Variants in OTOGL observed in about 807,000 individuals in gnomAD.
OTOGL encodes the protein otogelin-like protein.
In OTOGL, 285 loss-of-function variants were observed where a neutral mutation model predicts 318.5. The ratio of observed to expected loss-of-function variants is 0.89; its 90% CI spans 0.81 to 0.99. The LOEUF is 0.99. Among genes scored for constraint, OTOGL ranks in the 50% least tolerant of loss-of-function variants. The probability of loss-of-function intolerance (pLI) is 0.00; values close to 1 mark genes in which losing one functional copy is unlikely to be tolerated. For synonymous variants in OTOGL, 987 were observed against 936.5 expected (o/e 1.05, Z -0.99); for missense variants, 2,899 against 2,845.6 (o/e 1.02, Z -0.43).
intron 1 of OTOGL, among the ~76,000 whole-genome samples, chr12:80,170,187 G>A (rs1027476185): frequency 7.4e-6 from 1 of 134,376 alleles, no homozygotes; most frequent in African/African-American, 3.7e-5. Flanking sequence ...GGGTGTGTGT[G>A]TGTGTGTGTG....
At chr12:80,344,727 G>C (rs924043455) in intron 44 of OTOGL, among the ~76,000 whole-genome samples, 1 of 151,692 alleles carries the variant, frequency 6.6e-6, no homozygotes, top group African/African-American at 2.4e-5. Context: ...AGTAATCTTG[G>C]CTCAAGAGGT....
At chr12:80,293,185 T>C (rs1424941796) in intron 26 of OTOGL, among the ~76,000 whole-genome samples, 1 of 142,790 alleles carries the variant, frequency 7.0e-6, no homozygotes, top group Non-Finnish European at 1.5e-5. Context: ...ATTTAATCTG[T>C]CTCTCTCTTC....
intron 1 of OTOGL, among the ~76,000 whole-genome samples, chr12:80,108,936 G>T (rs796256373): frequency 7.8e-6 from 1 of 128,226 alleles, no homozygotes; most frequent in East Asian, 2.2e-4. Flanking sequence ...ATATGTGTGT[G>T]TATATATATA....
At chr12:80,203,698 T>G (rs1312743545) in intron 1 of OTOGL, among the ~76,000 whole-genome samples, 1 of 152,204 alleles carries the variant, frequency 6.6e-6, no homozygotes, top group Non-Finnish European at 1.5e-5. Context: ...CCTCTGTTTC[T>G]TTCCCCTCCA....
At chr12:80,205,144 G>A (rs931903694) in intron 1 of OTOGL, among the ~76,000 whole-genome samples, 1 of 152,148 alleles carries the variant, frequency 6.6e-6, no homozygotes, top group South Asian at 2.1e-4. Flanking sequence ...GGAATTCAAA[G>A]CATGAGAAAC....
intron 38 of OTOGL, among the ~76,000 whole-genome samples, chr12:80,333,935 A>T (rs992406638): frequency 3.3e-5 from 5 of 152,192 alleles, no homozygotes; most frequent in African/African-American, 9.6e-5. Flanking sequence ...ATAAAGGAAT[A>T]AAATAGTAGA....
Position 80,318,664 on chromosome 12 carries a change from A to T in OTOGL, c.3753A>T (p.Leu1251Phe). 6.9e-7 allele frequency: 1 copy of T among 1,440,432 alleles called. No homozygotes were observed. Among genetic ancestry groups the T allele is most frequent in the Non-Finnish European group, 9.1e-7 (1 of 1,093,060 alleles). The allele number at this position is 1,440,432 out of a possible 1,614,324, so 89.2% of individuals were successfully genotyped here. Residue 1251 changes from leucine to phenylalanine, a missense_variant, in exon 33 of 59, where the codon TTA (leucine) becomes TTT (phenylalanine). Leu to Phe is a conservative substitution (Grantham distance 22, BLOSUM62 0). Around this residue, in one of 3 missense-constraint regions of OTOGL, gnomAD observed 2,607 missense variants for 2,524.9 expected, o/e 1.03. Coordinates refer to ENST00000547103, the MANE Select transcript of OTOGL (RefSeq NM_001378609.3). ...CLPRSSVHTS[L>F]FFYFMITPGL... ...CGAGAAGCAGTGTTCATACCAGTTT[A>T]TTTTTTTATTTTATGATCACTCCAG...
At chr12:80,259,779 G>A (rs1032815969) in intron 18 of OTOGL, among the ~76,000 whole-genome samples, 16 of 152,006 alleles carry the variant, frequency 1.1e-4, no homozygotes, top group South Asian at 4.1e-4. Flanking sequence ...GGGCATTTGC[G>A]TTGGTTCCAA....
chr12:80,264,440 T>C (rs909392989), intron 19 of OTOGL, among the ~76,000 whole-genome samples: 2 of 152,212 alleles, frequency 1.3e-5, no homozygotes, highest in Non-Finnish European at 2.9e-5. Context: ...ATAGATTTAT[T>C]TATCAAACAT....
intron 1 of OTOGL, among the ~76,000 whole-genome samples, chr12:80,157,198 G>A (rs1028869952): frequency 1.3e-5 from 2 of 152,008 alleles, no homozygotes; most frequent in Non-Finnish European, 2.9e-5. Flanking sequence ...CAATGATATT[G>A]AACACCTTTT....
intron 1 of OTOGL, among the ~76,000 whole-genome samples, chr12:80,203,351 G>A (rs1876589263): frequency 6.6e-6 from 1 of 151,404 alleles, no homozygotes; most frequent in Non-Finnish European, 1.5e-5. Context: ...TCACTTATAA[G>A]GACCCTTTAT....
intron 32 of OTOGL, among the ~76,000 whole-genome samples, chr12:80,317,835 A>T (rs1887068743): frequency 6.6e-6 from 1 of 152,074 alleles, no homozygotes; most frequent in African/African-American, 2.4e-5. Context: ...AGGCTAAGAA[A>T]AATTGTCCAC....
intron 35 of OTOGL, among the ~76,000 whole-genome samples, chr12:80,326,471 G>A (rs1887686023): frequency 6.6e-6 from 1 of 152,126 alleles, no homozygotes; most frequent in Non-Finnish European, 1.5e-5. Flanking sequence ...TAAGGAACAG[G>A]TTAATAGTTT....
chr12:80,262,011 A>C lies in OTOGL; in HGVS notation c.1932A>C (p.Ala644=), dbSNP rs1020428394. ...TAGAAGGTACACCACAACTTCACGC[A>C]AATGCGTGGAGAGTTTCTTCTACCT... ...GMIEGTPQLH[A]NAWRVSSTCF... is the part of the protein sequence containing the mutation. Residue 644 remains alanine, a synonymous_variant, in exon 19 of 59, where the codon GCA becomes GCC. Coordinates refer to ENST00000547103, the MANE Select transcript of OTOGL (RefSeq NM_001378609.3). 6.2e-7 allele frequency: 1 copy of C among 1,613,108 alleles called. No homozygotes were observed. Among genetic ancestry groups the C allele is most frequent in the Non-Finnish European group, 8.5e-7 (1 of 1,179,364 alleles).
intron 44 of OTOGL, among the ~76,000 whole-genome samples, chr12:80,345,178 T>C (rs1256360332): frequency 7.2e-6 from 1 of 139,272 alleles, no homozygotes; most frequent in Non-Finnish European, 1.5e-5. Flanking sequence ...ATATAATATA[T>C]TTTATATTTA....
intron 1 of OTOGL, among the ~76,000 whole-genome samples, chr12:80,195,708 A>T (rs1225707072): frequency 6.6e-6 from 1 of 152,200 alleles, no homozygotes; most frequent in Non-Finnish European, 1.5e-5. Context: ...TAAGGGTCAC[A>T]GTGGTGTGCT....
chr12:80,125,618 A>T (rs577529881), intron 1 of OTOGL, among the ~76,000 whole-genome samples: 1 of 152,224 alleles, frequency 6.6e-6, no homozygotes, highest in African/African-American at 2.4e-5. Context: ...GAATGGTACC[A>T]GCTCCTCCTT....
intron 26 of OTOGL, among the ~76,000 whole-genome samples, chr12:80,293,177 T>G (rs577124950): frequency 7.3e-5 from 11 of 151,488 alleles, no homozygotes; most frequent in Non-Finnish European, 1.5e-4. Context: ...AAAGGTAAAT[T>G]TAATCTGTCT....
In OTOGL at chr12:80,314,303, A is replaced by G; in HGVS notation, c.3608-2A>G. ...TTAATATTTATTCTTTTTTTCTTTT[A>G]GCACTTGATTGTGAATACTACAATG... is the stretch of plus-strand genomic sequence containing the variant. On this transcript the variant is annotated splice_acceptor_variant, in intron 31 of 58. Coordinates refer to ENST00000547103, the MANE Select transcript of OTOGL (RefSeq NM_001378609.3). LOFTEE classifies it high-confidence loss of function. 9.6e-7 allele frequency: 1 copy of G among 1,045,142 alleles called. No individual in the cohort carries two copies. The highest frequency in any genetic ancestry group is 1.3e-6 in the Non-Finnish European group (1 of 784,202). The allele number at this position is 1,045,142 out of a possible 1,614,324, so 64.7% of individuals were successfully genotyped here. A position where few individuals can be genotyped will look rare whatever the true frequency, so the allele number is the denominator to read the frequency against.
Sources: gnomAD v4.1 joint callset for allele counts (sites outside exome capture counted in the v4.1 genomes callset) on GRCh38, gnomAD v4.1.1 for gene constraint, gnomAD v4.1.1 regional missense constraint, MANE v1.5 for transcripts, NCBI Gene and HGNC (gene_info 2026-07-23, HGNC 2026-07-21) for gene names.